The following TMEM117 variants were observed in gnomAD, a reference collection of about 807,000 sequenced individuals.
TMEM117 encodes the protein transmembrane protein 117.
In TMEM117, 27 loss-of-function variants were observed where a neutral mutation model predicts 52.4. The ratio of observed to expected loss-of-function variants is 0.51; its 90% CI spans 0.38 to 0.71. TMEM117 has a LOEUF of 0.71. Among genes scored for constraint, TMEM117 ranks in the 30% least tolerant of loss-of-function variants. The pLI, the probability that TMEM117 is intolerant of heterozygous loss-of-function variation, is 0.00. For synonymous variants in TMEM117, 215 were observed against 206.3 expected (o/e 1.04, Z -0.36); for missense variants, 556 against 630.5 (o/e 0.88, Z 1.26).
At chr12:43,951,879 G>T (rs1159158295) in intron 3 of TMEM117, among the ~76,000 whole-genome samples, 2 of 152,184 alleles carry the variant, frequency 1.3e-5, no homozygotes, top group Non-Finnish European at 1.5e-5. Flanking sequence ...GACACCTGAT[G>T]CAGGAGAGCT....
intron 6 of TMEM117, among the ~76,000 whole-genome samples, chr12:44,371,892 A>T (rs1198713397): frequency 6.6e-6 from 1 of 152,208 alleles, no homozygotes; most frequent in East Asian, 1.9e-4. Flanking sequence ...CCATCCATAT[A>T]TGTAAAAAAT....
the TMEM117 span, chr12:43,805,862 C>A: frequency 4.2e-6 from 6 of 1,423,578 alleles, no homozygotes; most frequent in Non-Finnish European, 5.6e-6. Context: ...AAGCCCCAGT[C>A]GCCTCCACTG....
At chr12:44,247,499 T>G (rs375287484) in intron 5 of TMEM117, among the ~76,000 whole-genome samples, 16 of 152,374 alleles carry the variant, frequency 1.1e-4, no homozygotes, top group African/African-American at 3.6e-4. Context: ...TTTCAGTGCA[T>G]TTATACATCA....
At chr12:44,317,179 G>T (rs1339215320) in intron 6 of TMEM117, among the ~76,000 whole-genome samples, 2 of 150,316 alleles carry the variant, frequency 1.3e-5, no homozygotes, top group African/African-American at 2.4e-5. Flanking sequence ...TTCATGGTAT[G>T]AGAAAAGTTG....
rs114475051 is a variant in TMEM117 at position 44,176,859 on chromosome 12, A to C, written c.510+33235A>C. 3.3e-3 allele frequency among the ~76,000 whole-genome samples: 504 copies of C among 152,258 alleles called. 3 individuals carry two copies. The highest frequency in any genetic ancestry group is 0.011 in the African/African-American group (471 of 41,558). Reference sequence around the variant, plus strand: ...CTCTCTATATATAAATGTCCTTAAAATGCTATCCTCACAGAATTTTATAAA... The same window carrying C: ...CTCTCTATATATAAATGTCCTTAAACTGCTATCCTCACAGAATTTTATAAA... On this transcript the variant is annotated intron_variant, in intron 4 of 7. Transcript: ENST00000266534.
chr12:43,977,077 G>A (rs1945682886), intron 3 of TMEM117, among the ~76,000 whole-genome samples: 1 of 152,176 alleles, frequency 6.6e-6, no homozygotes. Context: ...TCTAAGAGAT[G>A]AGCCTAATAG....
intron 5 of TMEM117, among the ~76,000 whole-genome samples, chr12:44,285,391 A>G (rs958647702): frequency 6.6e-6 from 1 of 152,210 alleles, no homozygotes; most frequent in African/African-American, 2.4e-5. Context: ...CACAAACAAG[A>G]TAAGTTCATA....
intron 6 of TMEM117, among the ~76,000 whole-genome samples, chr12:44,364,279 TTA>T (rs1951761417): frequency 6.6e-6 from 1 of 152,138 alleles, no homozygotes; most frequent in African/African-American, 2.4e-5. Flanking sequence ...TTACCAATTT[TTA>T]TGAGTAAAAA....
At chr12:43,994,985 T>G (rs1409410411) in intron 3 of TMEM117, among the ~76,000 whole-genome samples, 1 of 152,108 alleles carries the variant, frequency 6.6e-6, no homozygotes, top group Non-Finnish European at 1.5e-5. Flanking sequence ...CTTCAGAAAT[T>G]AAGGAATTCG....
intron 4 of TMEM117, among the ~76,000 whole-genome samples, chr12:44,155,142 A>G (rs1419687061): frequency 6.6e-6 from 1 of 152,166 alleles, no homozygotes; most frequent in African/African-American, 2.4e-5. Flanking sequence ...AGGTATTTGT[A>G]TACATAGTTT....
chr12:43,817,966 T>G, the TMEM117 span, among the ~76,000 whole-genome samples: 1 of 152,178 alleles, frequency 6.6e-6, no homozygotes, highest in Admixed American at 6.5e-5. Flanking sequence ...ACTTTTGACT[T>G]CTACTGCTTG....
At chr12:44,009,507 C>A in intron 3 of TMEM117, 1 of 225,762 alleles carries the variant, frequency 4.4e-6, no homozygotes, top group South Asian at 8.3e-5. Context: ...CTTTTCTGCT[C>A]AGCACAGGCT....
At chr12:43,955,745 A>G (rs1385244992) in intron 3 of TMEM117, among the ~76,000 whole-genome samples, 1 of 152,228 alleles carries the variant, frequency 6.6e-6, no homozygotes, top group Admixed American at 6.5e-5. Flanking sequence ...TGCTATTCCC[A>G]TTAAACTACC....
chr12:44,170,948 A>C (rs1463358184), intron 4 of TMEM117, among the ~76,000 whole-genome samples: 2 of 152,096 alleles, frequency 1.3e-5, no homozygotes, highest in Non-Finnish European at 2.9e-5. Context: ...TTTTTCCAGC[A>C]ACATGTTTTT....
At chr12:44,215,974 G>A (rs117034287) in intron 5 of TMEM117, among the ~76,000 whole-genome samples, 6,747 of 150,072 alleles carry the variant, frequency 0.045, 201 homozygotes, top group Middle Eastern at 0.08. Flanking sequence ...GAGATGCACT[G>A]AAAGGAGCTC....
rs1033610592 is a variant in TMEM117, at chr12:44,354,044, A to G, written c.769-22551A>G. Among the ~76,000 whole-genome samples the G allele has an allele frequency of 3.3e-5, 5 of 152,160 alleles. 1 individual carries two copies. The highest frequency in any genetic ancestry group is 1.2e-4 in the African/African-American group (5 of 41,504). On this transcript the variant is annotated intron_variant, in intron 6 of 7. Transcript: ENST00000266534. Reference sequence around the variant, plus strand: ...TGTAAGTTGGCTTCCTAGGTATTTTATTCTCTTTGAAGCAATTGTGAATGA... The same window carrying G: ...TGTAAGTTGGCTTCCTAGGTATTTTGTTCTCTTTGAAGCAATTGTGAATGA...
intron 6 of TMEM117, among the ~76,000 whole-genome samples, chr12:44,305,196 G>A (rs139993128): frequency 6.6e-6 from 1 of 152,270 alleles, no homozygotes; most frequent in African/African-American, 2.4e-5. Context: ...ATGGGCCTGG[G>A]GCAGTGGTAA....
At chr12:43,954,199 T>C (rs1247065264) in intron 3 of TMEM117, among the ~76,000 whole-genome samples, 3 of 152,044 alleles carry the variant, frequency 2.0e-5, no homozygotes, top group Admixed American at 1.3e-4. Flanking sequence ...ATGAAAAAGC[T>C]AGAAAGATCT....
chr12:44,268,207 G>A (rs112102008), intron 5 of TMEM117, among the ~76,000 whole-genome samples: 8 of 151,306 alleles, frequency 5.3e-5, no homozygotes, highest in African/African-American at 1.7e-4. Context: ...ACGTGATCTC[G>A]GCTCACTGCA....
Sources: gnomAD v4.1 joint callset for allele counts (sites outside exome capture counted in the v4.1 genomes callset) on GRCh38, gnomAD v4.1.1 for gene constraint, MANE v1.5 for transcripts, NCBI Gene and HGNC (gene_info 2026-07-23, HGNC 2026-07-21) for gene names.